PARD3B: variants seen among roughly 807,000 people sequenced by gnomAD.
The protein encoded by PARD3B is partitioning defective 3 homolog B.
PARD3B carries 103 observed loss-of-function variants against 130.2 expected under a neutral mutation model. The observed-to-expected ratio is 0.79, with a 90% CI of 0.67 to 0.93. The LOEUF (loss-of-function observed/expected upper bound fraction) is 0.93. Ranked by LOEUF, PARD3B falls within the 40% of genes least tolerant of loss-of-function variation. PARD3B has a pLI of 0.00. For missense variants in PARD3B, 1,609 were observed against 1,499.2 expected, an observed-to-expected ratio of 1.07 and a Z score of -1.21; for synonymous variants, 583 against 553.2, an observed-to-expected ratio of 1.05 and a Z score of -0.76.
intron 20 of PARD3B, among the ~76,000 whole-genome samples, chr2:205,442,493 G>C (rs1336974798): frequency 6.6e-6 from 1 of 152,004 alleles, no homozygotes; most frequent in Non-Finnish European, 1.5e-5. Flanking sequence ...AGTAGAGACA[G>C]GGTTTCACTG....
At position 205,616,836 on chromosome 2, in the gene PARD3B, CGAG is replaced by C. The variant is rs1490118107; in HGVS notation, c.*1027_*1029del. The C allele has an allele frequency of 3.3e-5, 5 of 153,092 alleles. No individual in the cohort carries two copies. The highest frequency in any genetic ancestry group is 6.6e-5 in the Admixed American group (1 of 15,236). 9.5% of individuals were successfully genotyped at this position (153,092 alleles called of 1,614,324 possible). A position where few individuals can be genotyped will look rare whatever the true frequency, so the allele number is the denominator to read the frequency against. On this transcript the variant is annotated 3_prime_UTR_variant, in exon 23 of 23. Coordinates refer to ENST00000406610, the MANE Select transcript of PARD3B (RefSeq NM_001302769.2). ...AGTAACCATCTGCACTCGGGGACAGCGAGGAGCTGACCATGGCCTCTGATGACC... is the reference window on the plus strand; with the variant it reads ...AGTAACCATCTGCACTCGGGGACAGCGAGCTGACCATGGCCTCTGATGACC...
rs1406570167 is a variant in PARD3B at position 205,585,923 on chromosome 2, C to T, written c.3261-29533C>T. Among the ~76,000 whole-genome samples the T allele has an allele frequency of 1.3e-5, 2 of 152,184 alleles. No individual in the cohort carries two copies. Among genetic ancestry groups the T allele is most frequent in the African/African-American group, 2.4e-5 (1 of 41,446 alleles). On this transcript the variant is annotated intron_variant, in intron 22 of 22. Transcript: ENST00000406610. This position sits in a 1 kb window ranked among gnomAD's most constrained non-coding sequence, Gnocchi z 5.4. ...ATCTTACATTCAACAGAGCAGCCTA[C>T]GTCCACAATAAACCAACAGTCCAGG...
intron 20 of PARD3B, among the ~76,000 whole-genome samples, chr2:205,476,058 A>G (rs1029369875): frequency 7.9e-5 from 12 of 152,216 alleles, no homozygotes; most frequent in Non-Finnish European, 1.3e-4. Context: ...GAAGAAAACC[A>G]CCAGACAGTG....
chr2:205,001,511 G>GACTC, intron 3 of PARD3B, among the ~76,000 whole-genome samples: 2 of 152,322 alleles, frequency 1.3e-5, no homozygotes, highest in Admixed American at 1.3e-4. Context: ...TTTACTGGGA[G>GACTC]ACTCTGACCC....
intron 18 of PARD3B, among the ~76,000 whole-genome samples, chr2:205,398,144 C>A (rs1282433181): frequency 6.6e-6 from 1 of 151,782 alleles, no homozygotes; most frequent in African/African-American, 2.4e-5. Context: ...ACTAAAAATA[C>A]AAAAAAATTA....
At chr2:205,497,114 T>C (rs1206395919) in intron 20 of PARD3B, among the ~76,000 whole-genome samples, 1 of 151,756 alleles carries the variant, frequency 6.6e-6, no homozygotes, top group Admixed American at 6.6e-5. Flanking sequence ...TTGTTCTTAC[T>C]ATCTTTTTCA....
chr2:204,638,502 T>G (rs570632895), intron 1 of PARD3B, among the ~76,000 whole-genome samples: 146 of 152,350 alleles, frequency 9.6e-4, no homozygotes, highest in Middle Eastern at 6.8e-3. Flanking sequence ...AAACTTGCTT[T>G]AGCCAAGTGT....
intron 2 of PARD3B, among the ~76,000 whole-genome samples, chr2:204,789,295 CT>C (rs1259008102): frequency 3.3e-5 from 5 of 152,262 alleles, no homozygotes; most frequent in Admixed American, 2.0e-4. Context: ...AGGTGATTCT[CT>C]CTCCTTAGCC....
intron 13 of PARD3B, among the ~76,000 whole-genome samples, chr2:205,181,639 A>G (rs958378327): frequency 5.3e-5 from 8 of 152,256 alleles, no homozygotes; most frequent in African/African-American, 1.9e-4. Flanking sequence ...GACCAGGGCC[A>G]TAGCTTGCTG....
chr2:205,430,283 C>G (rs978213790), intron 19 of PARD3B, among the ~76,000 whole-genome samples: 15 of 152,054 alleles, frequency 9.9e-5, no homozygotes, highest in Non-Finnish European at 1.6e-4. Context: ...ATAAGTGAAC[C>G]CGTGTAGTTC....
intron 3 of PARD3B, among the ~76,000 whole-genome samples, chr2:205,045,129 A>G (rs1445970152): frequency 3.8e-5 from 5 of 133,200 alleles, no homozygotes; most frequent in South Asian, 2.3e-4. Flanking sequence ...TTTTTTTTTT[A>G]TGTTTCAAAT....
chr2:204,783,052 A>G (rs1055310575), intron 2 of PARD3B, among the ~76,000 whole-genome samples: 1 of 152,104 alleles, frequency 6.6e-6, no homozygotes, highest in Non-Finnish European at 1.5e-5. Context: ...ACAGGAAGTT[A>G]TCTGTGCCAT....
rs2046969114 is a variant in PARD3B, at chr2:205,421,404, T to A, written c.2742-18966T>A. 6.6e-6 allele frequency among the ~76,000 whole-genome samples: 1 copy of A among 152,188 alleles called. No individual in the cohort carries two copies. Among genetic ancestry groups the A allele is most frequent in the Non-Finnish European group, 1.5e-5 (1 of 68,042 alleles). ...TAGAGCCATTTATGTGGGTTTCCTCTCCTGTGTTCCACTGTATTCCATTTT... is the reference window on the plus strand; with the variant it reads ...TAGAGCCATTTATGTGGGTTTCCTCACCTGTGTTCCACTGTATTCCATTTT... On this transcript the variant is annotated intron_variant, in intron 19 of 22. Transcript: ENST00000406610. The surrounding 1 kb of genome is among the most constrained non-coding windows in gnomAD (Gnocchi z 5.1).
intron 11 of PARD3B, among the ~76,000 whole-genome samples, chr2:205,168,738 GTGTCTTGATTTTATAT>G (rs1353154534): frequency 2.0e-5 from 3 of 150,360 alleles, no homozygotes; most frequent in Non-Finnish European, 4.4e-5. Context: ...CTTCTGTTGT[GTGTCTTGATTTTATAT>G]TGTCTTCCCT....
At chr2:204,727,362 T>C (rs907612034) in intron 2 of PARD3B, among the ~76,000 whole-genome samples, 6 of 152,240 alleles carry the variant, frequency 3.9e-5, no homozygotes, top group African/African-American at 1.4e-4. Flanking sequence ...TCCAGAATCC[T>C]GCAGTCAGCT....
intron 3 of PARD3B, among the ~76,000 whole-genome samples, chr2:205,014,684 C>G (rs900223432): frequency 6.6e-6 from 1 of 152,148 alleles, no homozygotes; most frequent in East Asian, 1.9e-4. Flanking sequence ...GAGTATAGCA[C>G]AGAACAGGCC....
intron 18 of PARD3B, among the ~76,000 whole-genome samples, chr2:205,365,336 G>C (rs1021306985): frequency 6.6e-6 from 1 of 150,642 alleles, no homozygotes; most frequent in Non-Finnish European, 1.5e-5. Flanking sequence ...GCCCAAGATC[G>C]CACCACTGCC....
At chr2:205,375,162 T>C (rs2105917613) in intron 18 of PARD3B, among the ~76,000 whole-genome samples, 1 of 152,302 alleles carries the variant, frequency 6.6e-6, no homozygotes. Flanking sequence ...CCCTGACACT[T>C]GTCTCATCCA....
rs1454782038 is a variant in PARD3B at position 204,673,201 on chromosome 2, A to AC, written c.121-12979dup. Among the ~76,000 whole-genome samples the AC allele has an allele frequency of 6.6e-5, 10 of 152,208 alleles. No individual in the cohort carries two copies. Among genetic ancestry groups the AC allele is most frequent in the African/African-American group, 1.9e-4 (8 of 41,452 alleles). ...TGCCCAGCCAATCCTGCTGTGCTGT[A>AC]CATCAGCAGTTTGGAAAAACCATCT... On this transcript the variant is annotated intron_variant, in intron 1 of 22. Transcript: ENST00000406610. The surrounding 1 kb of genome is among the most constrained non-coding windows in gnomAD (Gnocchi z 4.7).
Sources: allele counts gnomAD v4.1 joint callset (sites outside exome capture counted in the v4.1 genomes callset), GRCh38; gene constraint gnomAD v4.1.1; non-coding constraint Gnocchi (gnomAD v3.1); transcripts MANE v1.5; gene names NCBI Gene and HGNC (gene_info 2026-07-23, HGNC 2026-07-21).